The following TPM3 variants were observed in gnomAD, a reference collection of about 807,000 sequenced individuals.
TPM3 encodes tropomyosin alpha-3 chain.
Under a neutral mutation model 43.1 loss-of-function variants are expected in TPM3, and 16 were observed. The ratio of observed to expected loss-of-function variants is 0.37; its 90% CI spans 0.25 to 0.56. The LOEUF is 0.56. Ranked by LOEUF, TPM3 falls within the 20% of genes least tolerant of loss-of-function variation. TPM3 has a pLI of 0.77. For synonymous variants in TPM3, 101 were observed against 116.9 expected (o/e 0.86, Z 0.88); for missense variants, 176 against 337.2 (o/e 0.52, Z 3.74).
At chr1:154,183,181 T>C (rs1336365297) in intron 2 of TPM3, 3 of 1,595,118 alleles carry the variant, frequency 1.9e-6, no homozygotes, top group Admixed American at 3.4e-5. Flanking sequence ...CGTTGCAGCC[T>C]CCTCTCACCC....
At chr1:154,183,705 G>C (rs1279452181) in intron 2 of TPM3, 1 of 175,014 alleles carries the variant, frequency 5.7e-6, no homozygotes, top group African/African-American at 2.4e-5. Context: ...TTTCAAAGTC[G>C]GCTCAGGTAG....
Sources: allele counts gnomAD v4.1 joint callset, GRCh38; gene constraint gnomAD v4.1.1; transcripts MANE v1.5; gene names NCBI Gene and HGNC (gene_info 2026-07-23, HGNC 2026-07-21).